Variants in DENND10 observed in about 807,000 individuals in gnomAD.
The protein encoded by DENND10 is DENN domain-containing protein 10.
DENND10 carries 24 observed loss-of-function variants against 43.6 expected under a neutral mutation model. The observed-to-expected ratio is 0.55, with a 90% CI of 0.40 to 0.77. DENND10 has a LOEUF of 0.77. DENND10 is among the 30% of genes least tolerant of loss of function. The pLI, the probability that DENND10 is intolerant of heterozygous loss-of-function variation, is 0.00. For missense variants in DENND10, 303 were observed against 429.9 expected (o/e 0.70, Z 2.61); for synonymous variants, 125 against 157.6 (o/e 0.79, Z 1.55).
chr10:119,115,622 C>T (rs904948130), intron 3 of DENND10, among the ~76,000 whole-genome samples: 8 of 148,870 alleles, frequency 5.4e-5, no homozygotes, highest in African/African-American at 2.0e-4. Flanking sequence ...ATCTCCTGAC[C>T]TCGTGATCCG....
chr10:119,110,617 T>C lies in DENND10; in HGVS notation c.253-1232T>C, dbSNP rs1263903435. ...GATTATAGGCACCTGCCACCATTCC[T>C]GGCTAATTTTTGTAGTTTTAGTTGA... On this transcript the variant is annotated intron_variant, in intron 2 of 8. Coordinates refer to ENST00000361432, the MANE Select transcript of DENND10 (RefSeq NM_207009.4). Among the ~76,000 whole-genome samples, 8 of 152,128 alleles carry C rather than the reference T, an allele frequency of 5.3e-5. No individual in the cohort carries two copies. In the East Asian group the frequency reaches 1.4e-3, roughly 26 times the overall value.
At chr10:119,108,567 A>G (rs1052224275) in intron 2 of DENND10, among the ~76,000 whole-genome samples, 3 of 152,056 alleles carry the variant, frequency 2.0e-5, no homozygotes, top group Non-Finnish European at 4.4e-5. Flanking sequence ...CATTCATTCT[A>G]TAAATATTTA....
At chr10:119,105,782 G>C (rs1844666796) in intron 1 of DENND10, 1 of 155,680 alleles carries the variant, frequency 6.4e-6, no homozygotes, top group Non-Finnish European at 1.4e-5. Context: ...TGGTGTGCCT[G>C]TAGGTGGGAG....
At chr10:119,110,972 GATAA>G (rs1275460227) in intron 2 of DENND10, among the ~76,000 whole-genome samples, 3 of 152,038 alleles carry the variant, frequency 2.0e-5, no homozygotes, top group Admixed American at 6.6e-5. Flanking sequence ...ATAAAGAAAA[GATAA>G]ATAGTCTGGG....
chr10:119,136,562 A>G lies in DENND10; in HGVS notation c.989A>G (p.Glu330Gly), dbSNP rs1846370329. The G allele has an allele frequency of 6.3e-7, 1 of 1,588,422 alleles. No homozygotes were observed. Among genetic ancestry groups the G allele is most frequent in the African/African-American group, 1.4e-5 (1 of 72,778 alleles). Residue 330 changes from glutamate to glycine, a missense_variant, in exon 9 of 9, where the codon GAG becomes GGG. By Grantham distance (98) the Glu-to-Gly change is moderately conservative. Coordinates refer to ENST00000361432, the MANE Select transcript of DENND10 (RefSeq NM_207009.4). Reference sequence around the variant, plus strand: ...GGAGAAAAGAGAGTCCTTAATTTGGAGGCGCTAAAGCAAAAACGATTTCCA... The same window carrying G: ...GGAGAAAAGAGAGTCCTTAATTTGGGGGCGCTAAAGCAAAAACGATTTCCA... Reference protein sequence around the residue: ...ADGEKRVLNLEALKQKRFPPA... With the variant: ...ADGEKRVLNLGALKQKRFPPA...
chr10:119,119,213 A>G (rs1845446192), intron 4 of DENND10, among the ~76,000 whole-genome samples: 1 of 152,196 alleles, frequency 6.6e-6, no homozygotes, highest in East Asian at 1.9e-4. Flanking sequence ...CATGTTGGTC[A>G]GGCTGGTCTC....
chr10:119,135,791 T>TAAAAAAAAAA (rs367836571), intron 8 of DENND10, among the ~76,000 whole-genome samples: 1,378 of 63,804 alleles, frequency 0.022, 60 homozygotes, highest in Non-Finnish European at 0.024. Context: ...ACTAAAATTG[T>TAAAAAAAAAA]AAAAAAAAAA....
intron 5 of DENND10, 44 bp from the exon 6 acceptor site, chr10:119,123,425 G>A (rs1328523163): frequency 1.4e-6 from 2 of 1,416,360 alleles, no homozygotes; most frequent in Middle Eastern, 1.7e-4. Context: ...GAGTCTTTAA[G>A]GTGTGGACCA....
chr10:119,136,457 C>G lies in DENND10; in HGVS notation c.898-14C>G. On this transcript the variant is annotated splice_polypyrimidine_tract_variant and intron_variant, in intron 8 of 8. Coordinates refer to ENST00000361432, the MANE Select transcript of DENND10 (RefSeq NM_207009.4). The stretch of plus-strand genomic sequence containing the variant: ...ATACTAACATGTTGCATATATTTTC[C>G]TGTTCTATTAAAGGATATTGCTCTA... 1 of 1,594,042 alleles carries G rather than the reference C, an allele frequency of 6.3e-7. No homozygotes were observed. Among genetic ancestry groups the G allele is most frequent in the South Asian group, 1.2e-5 (1 of 86,942 alleles).
rs1564777783 is a variant in DENND10 at position 119,108,037 on chromosome 10, T to C, written c.125T>C (p.Leu42Pro). Residue 42 changes from leucine (L) to proline (P), a missense_variant, in exon 2 of 9, where the codon CTG (leucine) becomes CCG (proline). Physicochemically the swap from Leu to Pro is moderately conservative, Grantham distance 98. Transcript: ENST00000361432. ...YPSTTATLRN[L>P]LLRKCCLTDE... ...TCCACGACAGCCACATTAAGGAACCTGCTGCTGAGAAAATGCTGCCTTACA... is the reference window on the plus strand; with the variant it reads ...TCCACGACAGCCACATTAAGGAACCCGCTGCTGAGAAAATGCTGCCTTACA... The C allele has an allele frequency of 1.9e-6, 3 of 1,613,482 alleles. No homozygotes were observed. The Admixed American group carries it at 5.0e-5, about 27-fold the overall frequency.
At chr10:119,120,777 A>G (rs1272996064) in intron 5 of DENND10, among the ~76,000 whole-genome samples, 1 of 152,156 alleles carries the variant, frequency 6.6e-6, no homozygotes, top group Admixed American at 6.5e-5. Context: ...TACATAAATG[A>G]CTCAGCATGG....
At chr10:119,135,619 C>T (rs7920891) in intron 8 of DENND10, among the ~76,000 whole-genome samples, 4 of 151,264 alleles carry the variant, frequency 2.6e-5, no homozygotes, top group Non-Finnish European at 4.4e-5. Context: ...CAGAGTTAGA[C>T]GGCAGAATAG....
rs1846135866 is a variant in DENND10 at position 119,132,618 on chromosome 10, C to T, written c.897+9C>T. 7 of 1,607,376 alleles carry T rather than the reference C, an allele frequency of 4.4e-6. No individual in the cohort carries two copies. Among genetic ancestry groups the T allele is most frequent in the Non-Finnish European group, 6.0e-6 (7 of 1,173,794 alleles). ...AGAGCCACGTTATACAGGTAACTCC[C>T]TCACCTTCTGACTTACTGAAAGTCC... On this transcript the variant is annotated intron_variant, in intron 8 of 8. Transcript: ENST00000361432. This position sits in a 1 kb window ranked among gnomAD's most constrained non-coding sequence, Gnocchi z 4.2.
At position 119,132,431 on chromosome 10, in the gene DENND10, A is replaced by G. The variant is rs1404211440; in HGVS notation, c.803-84A>G. On this transcript the variant is annotated intron_variant, in intron 7 of 8. Coordinates refer to ENST00000361432, the MANE Select transcript of DENND10 (RefSeq NM_207009.4). This position sits in a 1 kb window ranked among gnomAD's most constrained non-coding sequence, Gnocchi z 4.2. ...TCAGCTGCTTTTTGAAAATTCCCTC[A>G]GTGTGGTCTTCCAAGTTTTCAGATA... The G allele has an allele frequency of 9.2e-7, 1 of 1,092,344 alleles. No individual in the cohort carries two copies. The highest frequency in any genetic ancestry group is 1.4e-6 in the Non-Finnish European group (1 of 709,162). 67.7% of individuals were successfully genotyped at this position (1,092,344 alleles called of 1,614,324 possible). A position where few individuals can be genotyped will look rare whatever the true frequency, so the allele number is the denominator to read the frequency against.
chr10:119,127,620 A>T (rs1372898190), intron 6 of DENND10, among the ~76,000 whole-genome samples: 1 of 151,742 alleles, frequency 6.6e-6, no homozygotes, highest in Non-Finnish European at 1.5e-5. Flanking sequence ...CAGGGACTAC[A>T]GGCATGTGCC....
intron 8 of DENND10, chr10:119,133,940 A>G (rs544624138): frequency 6.6e-6 from 1 of 152,386 alleles, no homozygotes; most frequent in East Asian, 1.9e-4. Flanking sequence ...AGTATGACGT[A>G]TGAGACCTTG....
intron 1 of DENND10, among the ~76,000 whole-genome samples, 196 bp downstream of exon 1, chr10:119,104,393 C>T (rs912622424): frequency 6.6e-6 from 1 of 151,188 alleles, no homozygotes; most frequent in Non-Finnish European, 1.5e-5. Flanking sequence ...CCGCCGCCCT[C>T]GCCCGCCCGC....
intron 2 of DENND10, 115 bp from the exon 3 acceptor site, chr10:119,111,734 T>A (rs1473480319): frequency 1.3e-6 from 1 of 749,456 alleles, no homozygotes; most frequent in Non-Finnish European, 2.2e-6. Flanking sequence ...TAAATTTTGG[T>A]CTTTTTCTTT....
At chr10:119,136,363 T>G in intron 8 of DENND10, 108 bp from the exon 9 acceptor site, 1 of 1,341,372 alleles carries the variant, frequency 7.5e-7, no homozygotes, top group South Asian at 1.5e-5. Flanking sequence ...GCCAAGCTCA[T>G]TTTTCATAGT....
Sources: allele counts gnomAD v4.1 joint callset (sites outside exome capture counted in the v4.1 genomes callset), GRCh38; gene constraint gnomAD v4.1.1; non-coding constraint Gnocchi (gnomAD v3.1); transcripts MANE v1.5; gene names NCBI Gene and HGNC (gene_info 2026-07-23, HGNC 2026-07-21).